The following SATB2 variants were observed in gnomAD, a reference collection of about 807,000 sequenced individuals.
The protein encoded by SATB2 is SATB homeobox 2, also known as DNA-binding protein SATB2.
Under a neutral mutation model 73.4 loss-of-function variants are expected in SATB2, and 1 was observed. The ratio of observed to expected loss-of-function variants is 0.01; its 90% CI spans 0.00 to 0.06. SATB2 has a LOEUF of 0.06. Ranked by LOEUF, SATB2 falls within the 10% of genes least tolerant of loss-of-function variation. SATB2 has a pLI of 1.00. For missense variants in SATB2, 459 were observed against 945.8 expected, an observed-to-expected ratio of 0.49 and a Z score of 6.75; for synonymous variants, 397 against 367.0, an observed-to-expected ratio of 1.08 and a Z score of -0.93.
At chr2:199,360,370 G>C (rs556076561) in intron 6 of SATB2, among the ~76,000 whole-genome samples, 1 of 152,046 alleles carries the variant, frequency 6.6e-6, no homozygotes, top group East Asian at 1.9e-4. Context: ...GCAATCTAAA[G>C]CACACTCCCT....
At chr2:199,354,059 G>A (rs1320213450) in intron 6 of SATB2, among the ~76,000 whole-genome samples, 1 of 152,110 alleles carries the variant, frequency 6.6e-6, no homozygotes, top group African/African-American at 2.4e-5. Context: ...TAAAGAGACA[G>A]TAAAAACACA....
At chr2:199,357,365 C>A (rs1574542390) in intron 6 of SATB2, among the ~76,000 whole-genome samples, 1 of 152,306 alleles carries the variant, frequency 6.6e-6, no homozygotes, top group East Asian at 1.9e-4. Context: ...GATTCCTCAA[C>A]AGTTGAATCA....
At chr2:199,348,485 A>C in intron 7 of SATB2, 2 of 577,632 alleles carry the variant, frequency 3.5e-6, no homozygotes, top group Non-Finnish European at 6.1e-6. Flanking sequence ...GGGTTCAAAG[A>C]TGTCCATTAC....
intron 7 of SATB2, among the ~76,000 whole-genome samples, chr2:199,339,483 C>T (rs1688438967): frequency 6.6e-6 from 1 of 152,150 alleles, no homozygotes. Flanking sequence ...TACTTCAAAA[C>T]TCAATAACGG....
intron 10 of SATB2, among the ~76,000 whole-genome samples, chr2:199,286,526 C>T (rs1052962499): frequency 1.3e-5 from 2 of 152,114 alleles, no homozygotes; most frequent in Non-Finnish European, 2.9e-5. Context: ...CTTGGGAAGA[C>T]CGGACCCTTT....
chr2:199,450,173 T>C (rs532128485), intron 2 of SATB2, among the ~76,000 whole-genome samples: 1 of 152,122 alleles, frequency 6.6e-6, no homozygotes, highest in Non-Finnish European at 1.5e-5. Flanking sequence ...ATTCCCCTTA[T>C]GCATTCTCAC....
chr2:199,464,218 C>T lies in SATB2; in HGVS notation c.-141+618G>A, dbSNP rs750186012. ...CCAAGTGACTGTGACGGCGGCGACT[C>T]GGGCTCAGTTCTCCCCCACCCCGTG... is the stretch of plus-strand genomic sequence containing the variant. On this transcript the variant is annotated intron_variant, in intron 1 of 11. Transcript: ENST00000260926. This position sits in a 1 kb window ranked among gnomAD's most constrained non-coding sequence, Gnocchi z 6.6. Among the ~76,000 whole-genome samples, 2 of 152,156 alleles carry T rather than the reference C, an allele frequency of 1.3e-5. No homozygotes were observed. Among genetic ancestry groups the T allele is most frequent in the African/African-American group, 2.4e-5 (1 of 41,444 alleles).
Position 199,312,224 on chromosome 2 carries a change from T to G in SATB2, c.1543-3267A>C, listed in dbSNP as rs1273635006. Among the ~76,000 whole-genome samples the G allele has an allele frequency of 2.0e-5, 3 of 152,204 alleles. 1 individual carries two copies. Among genetic ancestry groups the G allele is most frequent in the Non-Finnish European group, 4.4e-5 (3 of 68,018 alleles). ...TGTTTTCTCTGTGTTATGTGGAGCA[T>G]TCCATGAGAATTATTTTCATTTCAG... On this transcript the variant is annotated intron_variant, in intron 9 of 10. Coordinates refer to ENST00000417098, the MANE Select transcript of SATB2 (RefSeq NM_001172509.2).
chr2:199,293,238 G>A (rs1692925202), intron 10 of SATB2, among the ~76,000 whole-genome samples: 1 of 152,108 alleles, frequency 6.6e-6, no homozygotes, highest in South Asian at 2.1e-4. Context: ...TATTTCTCCT[G>A]TGAGTTTTTC....
chr2:199,403,101 T>A (rs937281577), intron 3 of SATB2, among the ~76,000 whole-genome samples: 1 of 152,166 alleles, frequency 6.6e-6, no homozygotes, highest in African/African-American at 2.4e-5. Context: ...TTGTCTATTA[T>A]CCTAGTTAAT....
intron 3 of SATB2, among the ~76,000 whole-genome samples, chr2:199,419,440 G>A (rs1691098373): frequency 6.6e-6 from 1 of 152,176 alleles, no homozygotes; most frequent in Non-Finnish European, 1.5e-5. Flanking sequence ...TTATTTCTAA[G>A]GAGTAAGTTT....
At chr2:199,409,792 G>A (rs1272593845) in intron 3 of SATB2, among the ~76,000 whole-genome samples, 1 of 152,048 alleles carries the variant, frequency 6.6e-6, no homozygotes, top group East Asian at 1.9e-4. Context: ...TGTTTTTAAA[G>A]ATTGGTCACA....
chr2:199,456,966 T>C (rs1692296456), intron 1 of SATB2, among the ~76,000 whole-genome samples: 1 of 60,762 alleles, frequency 1.6e-5, no homozygotes, highest in African/African-American at 4.4e-5. Flanking sequence ...CACCCCTGGA[T>C]TGGGGGGGTG....
intron 3 of SATB2, among the ~76,000 whole-genome samples, chr2:199,393,395 T>C (rs1052096016): frequency 6.6e-6 from 1 of 151,940 alleles, no homozygotes; most frequent in Admixed American, 6.6e-5. Flanking sequence ...ACCCCCAACA[T>C]ATGGAAAAGT....
intron 2 of SATB2, among the ~76,000 whole-genome samples, chr2:199,442,873 T>C (rs980922045): frequency 1.3e-5 from 2 of 152,214 alleles, no homozygotes; most frequent in Non-Finnish European, 2.9e-5. Flanking sequence ...GCCTAAATTC[T>C]TCAGGTTCTT....
rs145808670 is a variant in SATB2, at chr2:199,340,946, A to G, written c.1173+7755T>C. On this transcript the variant is annotated intron_variant, in intron 7 of 10. Coordinates refer to ENST00000417098, the MANE Select transcript of SATB2 (RefSeq NM_001172509.2). ...AACATACGAATATGTAGGTCATTGG[A>G]TTTTCAAATAAATTAGAGAATAGTT... Among the ~76,000 whole-genome samples, 27 of 143,672 alleles carry G rather than the reference A, an allele frequency of 1.9e-4. No homozygotes were observed. The Middle Eastern group carries it at 0.018, about 96-fold the overall frequency. 94.3% of individuals were successfully genotyped at this position (143,672 alleles called of 152,430 possible).
chr2:199,438,824 G>C (rs968760459), intron 2 of SATB2, among the ~76,000 whole-genome samples: 1 of 152,200 alleles, frequency 6.6e-6, no homozygotes, highest in African/African-American at 2.4e-5. Flanking sequence ...GACAGGGTTA[G>C]CATTATTTTC....
intron 3 of SATB2, among the ~76,000 whole-genome samples, chr2:199,402,753 C>A (rs1690520604): frequency 6.6e-6 from 1 of 152,198 alleles, no homozygotes; most frequent in Middle Eastern, 3.4e-3. Flanking sequence ...TACTTACATT[C>A]TTTTGTAAGC....
At position 199,270,713 on chromosome 2, in the gene SATB2, T is replaced by C. The variant is rs1692128560; in HGVS notation, c.*1498A>G. 6.6e-6 allele frequency: 1 copy of C among 152,360 alleles called. No homozygotes were observed. Among genetic ancestry groups the C allele is most frequent in the South Asian group, 2.1e-4 (1 of 4,834 alleles). The allele number at this position is 152,360 out of a possible 1,614,324, so 9.4% of individuals were successfully genotyped here. A position where few individuals can be genotyped will look rare whatever the true frequency, so the allele number is the denominator to read the frequency against. ...TAGTAGATTGCAGCTTTAATGCTCA[T>C]CCCATTAAACATCCAGTCAGCATTA... is the stretch of plus-strand genomic sequence containing the variant. On this transcript the variant is annotated 3_prime_UTR_variant, in exon 11 of 11. Coordinates refer to ENST00000417098, the MANE Select transcript of SATB2 (RefSeq NM_001172509.2).
Sources: allele counts gnomAD v4.1 joint callset (sites outside exome capture counted in the v4.1 genomes callset), GRCh38; gene constraint gnomAD v4.1.1; non-coding constraint Gnocchi (gnomAD v3.1); transcripts MANE v1.5; gene names NCBI Gene and HGNC (gene_info 2026-07-23, HGNC 2026-07-21).